Variants in FXR1 observed in about 807,000 individuals in gnomAD.
The protein encoded by FXR1 is RNA-binding protein FXR1.
A neutral mutation model predicts 84.0 loss-of-function variants in FXR1; 15 were observed. That is an observed-to-expected ratio of 0.18 (90% CI 0.12 to 0.27). The LOEUF is 0.27. Ranked by LOEUF, FXR1 falls within the 10% of genes least tolerant of loss-of-function variation. The probability of loss-of-function intolerance (pLI) is 1.00; values close to 1 mark genes in which losing one functional copy is unlikely to be tolerated. For missense variants in FXR1, 480 were observed against 774.4 expected (o/e 0.62, Z 4.51); for synonymous variants, 245 against 250.7 (o/e 0.98, Z 0.21).
rs1714344172 is a variant in FXR1, at chr3:180,977,471, A to T, written c.*1179A>T. ...AGGGATGACAAGCAATTTTTAAATA[A>T]TAGGCCAATGATTTGCTTTATTCAT... is the stretch of plus-strand genomic sequence containing the variant. On this transcript the variant is annotated 3_prime_UTR_variant, in exon 17 of 17. Transcript: ENST00000357559. 6.6e-6 allele frequency: 1 copy of T among 152,148 alleles called. No homozygotes were observed. The highest frequency in any genetic ancestry group is 1.9e-4 in the East Asian group (1 of 5,196). 9.4% of individuals were successfully genotyped at this position (152,148 alleles called of 1,614,324 possible). A position where few individuals can be genotyped will look rare whatever the true frequency, so the allele number is the denominator to read the frequency against.
chr3:180,913,874 A>C (rs947908896), intron 1 of FXR1, among the ~76,000 whole-genome samples: 2 of 152,160 alleles, frequency 1.3e-5, no homozygotes, highest in Admixed American at 1.3e-4. Context: ...ATGCAAAGTG[A>C]ATTCTCACAG....
intron 3 of FXR1, among the ~76,000 whole-genome samples, chr3:180,941,562 G>A (rs1721122789): frequency 6.6e-6 from 1 of 151,984 alleles, no homozygotes; most frequent in African/African-American, 2.4e-5. Flanking sequence ...GATTCTTTTG[G>A]CCAGTCTGAA....
At chr3:180,931,872 C>T (rs900368107) in intron 1 of FXR1, among the ~76,000 whole-genome samples, 2 of 150,784 alleles carry the variant, frequency 1.3e-5, no homozygotes, top group Admixed American at 1.3e-4. Context: ...TTCCAAGTAG[C>T]TGGGACCACA....
chr3:180,944,333 T>G (rs1177124850), intron 3 of FXR1, among the ~76,000 whole-genome samples: 3 of 152,046 alleles, frequency 2.0e-5, no homozygotes, highest in African/African-American at 7.2e-5. Context: ...GACCTTTTTT[T>G]TTTTTGAGAC....
intron 11 of FXR1, 25 bp from the exon 12 acceptor site, chr3:180,962,858 T>A: frequency 6.7e-7 from 1 of 1,502,344 alleles, no homozygotes; most frequent in Non-Finnish European, 9.2e-7. Context: ...ATAAGAAGAC[T>A]TACTCTTTTT....
intron 10 of FXR1, 112 bp downstream of exon 10, chr3:180,958,040 A>T: frequency 4.3e-6 from 2 of 463,018 alleles, no homozygotes; most frequent in Non-Finnish European, 7.8e-6. Flanking sequence ...TCTTCTTTTT[A>T]AAATTATGTT....
rs1021977857 is a variant in FXR1 at position 180,979,519 on chromosome 3, T to C, written c.*3227T>C. 6.6e-6 allele frequency: 1 copy of C among 152,132 alleles called. No homozygotes were observed. The highest frequency in any genetic ancestry group is 6.6e-5 in the Admixed American group (1 of 15,250). The allele number at this position is 152,132 out of a possible 1,614,324, so 9.4% of individuals were successfully genotyped here. ...CCCTTACGCTTTTTCGTTAAGAATA[T>C]CTGTCTGCTATAGTGAATTTGCTAG... is the stretch of plus-strand genomic sequence containing the variant. On this transcript the variant is annotated 3_prime_UTR_variant, in exon 17 of 17. Coordinates refer to ENST00000357559, the MANE Select transcript of FXR1 (RefSeq NM_005087.4).
Position 180,953,858 on chromosome 3 carries a change from A to G in FXR1, c.880+18A>G. ...TCTCGTTGGTAGGTACTTTTACTAA[A>G]TGTTAAATAAGTTAATAAACATTAT... On this transcript the variant is annotated intron_variant, in intron 9 of 16. Coordinates refer to ENST00000357559, the MANE Select transcript of FXR1 (RefSeq NM_005087.4). The G allele has an allele frequency of 8.1e-7, 1 of 1,232,858 alleles. No homozygotes were observed. Among genetic ancestry groups the G allele is most frequent in the Non-Finnish European group, 1.2e-6 (1 of 840,214 alleles). The allele number at this position is 1,232,858 out of a possible 1,614,324, so 76.4% of individuals were successfully genotyped here.
At chr3:180,915,501 A>T (rs774886601) in intron 1 of FXR1, 5 of 1,501,986 alleles carry the variant, frequency 3.3e-6, no homozygotes, top group East Asian at 2.5e-5. Flanking sequence ...TTTTTTTCCA[A>T]TTTAGAAGAT....
Position 180,958,853 on chromosome 3 carries a change from G to A in FXR1, c.990+925G>A, listed in dbSNP as rs564944822. Among the ~76,000 whole-genome samples the A allele has an allele frequency of 5.7e-4, 86 of 150,298 alleles. 1 individual carries two copies. In the South Asian group the frequency reaches 0.018, roughly 32 times the overall value. ...AGACAGAGTCTTACTCTGTCACCAG[G>A]GTGGAGTGCAGTGGCATGATCTCGG... On this transcript the variant is annotated intron_variant, in intron 10 of 16. Coordinates refer to ENST00000357559, the MANE Select transcript of FXR1 (RefSeq NM_005087.4).
chr3:180,973,639 G>T (rs960366133), intron 15 of FXR1, among the ~76,000 whole-genome samples: 1 of 152,138 alleles, frequency 6.6e-6, no homozygotes, highest in Non-Finnish European at 1.5e-5. Flanking sequence ...TATTAGCAAT[G>T]AATTTAAATA....
intron 16 of FXR1, 78 bp downstream of exon 16, chr3:180,975,482 A>T: frequency 1.8e-6 from 1 of 562,610 alleles, no homozygotes; most frequent in Non-Finnish European, 3.1e-6. Context: ...TACTACTTTT[A>T]CTGTGTGATC....
intron 6 of FXR1, 98 bp from the exon 7 acceptor site, chr3:180,949,129 A>G (rs1222675246): frequency 2.6e-6 from 2 of 765,034 alleles, no homozygotes; most frequent in Non-Finnish European, 4.8e-6. Flanking sequence ...AGTGTAGTAG[A>G]TGAGAAGCAA....
At position 180,946,268 on chromosome 3, in the gene FXR1, G is replaced by A. The variant is rs185059342; in HGVS notation, c.199-1597G>A. Reference sequence around the variant, plus strand: ...TTCACTGTTGTATCCTCTAGGTGATGCCATCATTCCTCTGTTCCATTTTAG... The same window carrying A: ...TTCACTGTTGTATCCTCTAGGTGATACCATCATTCCTCTGTTCCATTTTAG... On this transcript the variant is annotated intron_variant, in intron 3 of 16. Transcript: ENST00000357559. Among the ~76,000 whole-genome samples, 13 of 152,296 alleles carry A rather than the reference G, an allele frequency of 8.5e-5. No homozygotes were observed. The East Asian group carries it at 2.5e-3, about 29-fold the overall frequency.
At chr3:180,939,734 GTTTTTCCA>G (rs1250159324) in intron 3 of FXR1, among the ~76,000 whole-genome samples, 1 of 152,070 alleles carries the variant, frequency 6.6e-6, no homozygotes, top group Non-Finnish European at 1.5e-5. Context: ...TTCATTTTTT[GTTTTTCCA>G]AATGTATTCA....
chr3:180,948,098 G>T, intron 4 of FXR1, 162 bp downstream of exon 4: 1 of 613,620 alleles, frequency 1.6e-6, no homozygotes, highest in South Asian at 2.1e-5. Flanking sequence ...TTTGTGTTCT[G>T]TATTGGCAAA....
chr3:180,926,500 A>ATTTT (rs1261585777), intron 1 of FXR1, among the ~76,000 whole-genome samples: 3 of 51,866 alleles, frequency 5.8e-5, no homozygotes, highest in African/African-American at 3.5e-4. Context: ...ATATATATAT[A>ATTTT]TATATATTTT....
At chr3:180,940,389 A>G (rs573238192) in intron 3 of FXR1, among the ~76,000 whole-genome samples, 35 of 152,284 alleles carry the variant, frequency 2.3e-4, no homozygotes, top group Admixed American at 1.1e-3. Context: ...TTGGGTATCT[A>G]GTACAGTGTT....
intron 15 of FXR1, among the ~76,000 whole-genome samples, chr3:180,974,045 T>C (rs966459742): frequency 6.6e-6 from 1 of 152,182 alleles, no homozygotes; most frequent in Non-Finnish European, 1.5e-5. Context: ...AAAGTATATA[T>C]TGTACTTTTA....
Sources: allele counts gnomAD v4.1 joint callset (sites outside exome capture counted in the v4.1 genomes callset), GRCh38; gene constraint gnomAD v4.1.1; transcripts MANE v1.5; gene names NCBI Gene and HGNC (gene_info 2026-07-23, HGNC 2026-07-21).